The following PIEZO2 variants were observed in gnomAD, a reference collection of about 807,000 sequenced individuals.
PIEZO2 encodes the protein piezo-type mechanosensitive ion channel component 2.
In PIEZO2, 172 loss-of-function variants were observed where a neutral mutation model predicts 337.3. The ratio of observed to expected loss-of-function variants is 0.51; its 90% CI spans 0.45 to 0.58. PIEZO2 has a LOEUF of 0.58. Ranked by LOEUF, PIEZO2 falls within the 20% of genes least tolerant of loss-of-function variation. The pLI is 0.00. For missense variants in PIEZO2, 3,028 were observed against 3,391.3 expected, an observed-to-expected ratio of 0.89 and a Z score of 2.66; for synonymous variants, 1,251 against 1,228.5, an observed-to-expected ratio of 1.02 and a Z score of -0.38.
At chr18:11,122,886 GTATAA>G (rs998945089) in intron 1 of PIEZO2, among the ~76,000 whole-genome samples, 56 of 151,022 alleles carry the variant, frequency 3.7e-4, no homozygotes, top group African/African-American at 1.2e-3. Context: ...AAGGTTATAT[GTATAA>G]TATATCTTTA....
chr18:10,760,660 C>T (rs1483479402), intron 24 of PIEZO2, among the ~76,000 whole-genome samples: 1 of 152,198 alleles, frequency 6.6e-6, no homozygotes, highest in Non-Finnish European at 1.5e-5. Flanking sequence ...AACTGATGGC[C>T]ATGCATTTAG....
chr18:11,060,303 C>T (rs1166148828), intron 2 of PIEZO2, among the ~76,000 whole-genome samples: 1 of 152,052 alleles, frequency 6.6e-6, no homozygotes, highest in Non-Finnish European at 1.5e-5. Flanking sequence ...CAAGAGAAAG[C>T]AGGAAAGTTC....
rs534029463 is a variant in PIEZO2, at chr18:11,132,539, G to A, written c.64+15986C>T. On this transcript the variant is annotated intron_variant, in intron 1 of 55. Coordinates refer to ENST00000674853, the MANE Select transcript of PIEZO2 (RefSeq NM_001378183.1). The surrounding 1 kb of genome is among the most constrained non-coding windows in gnomAD (Gnocchi z 4.7). ...TCTCATAGCCAGGATTCATATGTCC[G>A]GGAATCAGAAGGTAGAAGTAGAAGT... Among the ~76,000 whole-genome samples the A allele has an allele frequency of 1.4e-4, 22 of 152,096 alleles. No homozygotes were observed. The highest frequency in any genetic ancestry group is 2.6e-4 in the Non-Finnish European group (18 of 68,026).
rs2038137482 is a variant in PIEZO2 at position 11,066,041 on chromosome 18, CATTAGAT to C, written c.160+79_160+85del. 6.6e-6 allele frequency: 7 copies of C among 1,062,668 alleles called. No homozygotes were observed. In the Admixed American group the frequency reaches 1.6e-4, roughly 24 times the overall value. The allele number at this position is 1,062,668 out of a possible 1,614,324, so 65.8% of individuals were successfully genotyped here. ...CCTGCTGCATAGATAACATCTCTGC[CATTAGAT>C]AAAGGCCATCCCAAGGAGCCCAGCA... is the stretch of plus-strand genomic sequence containing the variant. On this transcript the variant is annotated intron_variant, in intron 2 of 55. Coordinates refer to ENST00000674853, the MANE Select transcript of PIEZO2 (RefSeq NM_001378183.1).
At position 10,770,071 on chromosome 18, in the gene PIEZO2, C is replaced by T. The variant is rs975920346; in HGVS notation, c.2946+77G>A. 1.9e-5 allele frequency: 27 copies of T among 1,438,444 alleles called. No individual in the cohort carries two copies. In the South Asian group the frequency reaches 3.2e-4, roughly 17 times the overall value. 89.1% of individuals were successfully genotyped at this position (1,438,444 alleles called of 1,614,324 possible). A position where few individuals can be genotyped will look rare whatever the true frequency, so the allele number is the denominator to read the frequency against. ...GTAATGCGGATCACATTAAAAAAATCATGGACAGCTGGAAAAGGAAAATGA... is the reference window on the plus strand; with the variant it reads ...GTAATGCGGATCACATTAAAAAAATTATGGACAGCTGGAAAAGGAAAATGA... On this transcript the variant is annotated intron_variant, in intron 21 of 55. Coordinates refer to ENST00000674853, the MANE Select transcript of PIEZO2 (RefSeq NM_001378183.1).
Position 10,773,365 on chromosome 18 carries a change from C to A in PIEZO2, c.2785+47G>T. On this transcript the variant is annotated intron_variant, in intron 20 of 55. Coordinates refer to ENST00000674853, the MANE Select transcript of PIEZO2 (RefSeq NM_001378183.1). The surrounding 1 kb of genome is among the most constrained non-coding windows in gnomAD (Gnocchi z 5.3). ...CAAGTCAATGTTTCCTTCACTCAGT[C>A]TGACAGCCAGCGTTCTCTGACCAGC... The A allele has an allele frequency of 6.6e-7, 1 of 1,508,742 alleles. No homozygotes were observed. Among genetic ancestry groups the A allele is most frequent in the Non-Finnish European group, 8.9e-7 (1 of 1,121,200 alleles). 93.5% of individuals were successfully genotyped at this position (1,508,742 alleles called of 1,614,324 possible).
At chr18:10,994,303 T>A (rs889697406) in intron 2 of PIEZO2, among the ~76,000 whole-genome samples, 1 of 152,180 alleles carries the variant, frequency 6.6e-6, no homozygotes, top group African/African-American at 2.4e-5. Context: ...AACATGCATA[T>A]GCAAGTATCT....
chr18:10,709,157 C>G (rs967973436), intron 39 of PIEZO2: 18 of 152,174 alleles, frequency 1.2e-4, no homozygotes, highest in Non-Finnish European at 4.4e-5. Flanking sequence ...TTCATTTTGC[C>G]TAATTTTTCT....
chr18:10,763,149 C>A, intron 21 of PIEZO2, 51 bp from the exon 22 acceptor site: 1 of 1,497,760 alleles, frequency 6.7e-7, no homozygotes, highest in Non-Finnish European at 9.0e-7. Context: ...CACGGCATAA[C>A]AAACAGGACA....
intron 1 of PIEZO2, among the ~76,000 whole-genome samples, chr18:11,115,071 C>G (rs937528493): frequency 1.3e-5 from 2 of 152,158 alleles, no homozygotes; most frequent in African/African-American, 4.8e-5. Context: ...CCAGGTTGCT[C>G]TATTGTCTTC....
At chr18:10,758,507 G>A (rs1425924460) in intron 26 of PIEZO2, among the ~76,000 whole-genome samples, 7 of 152,036 alleles carry the variant, frequency 4.6e-5, no homozygotes, top group African/African-American at 1.7e-4. Context: ...GTGCAGTGGT[G>A]CGATCTTGGC....
chr18:10,706,183 T>A (rs2035578082), intron 40 of PIEZO2, among the ~76,000 whole-genome samples: 2 of 152,118 alleles, frequency 1.3e-5, no homozygotes, highest in African/African-American at 4.8e-5. Context: ...AAATAGGTAT[T>A]CTACCCTCCA....
chr18:11,148,687 G>T lies in PIEZO2; in HGVS notation c.-99C>A. 1 of 1,316,772 alleles carries T rather than the reference G, an allele frequency of 7.6e-7. No homozygotes were observed. The highest frequency in any genetic ancestry group is 1.0e-6 in the Non-Finnish European group (1 of 956,542). 81.6% of individuals were successfully genotyped at this position (1,316,772 alleles called of 1,614,324 possible). On this transcript the variant is annotated 5_prime_UTR_variant, in exon 1 of 56. Transcript: ENST00000674853. This position sits in a 1 kb window ranked among gnomAD's most constrained non-coding sequence, Gnocchi z 5.2. ...TGCCCGTCTATGGCCTCTCGCCGCC[G>T]GCAGCTCGCAGCCACCCGAGCATCG...
chr18:10,919,723 C>G (rs1245251663), intron 3 of PIEZO2, among the ~76,000 whole-genome samples: 1 of 152,114 alleles, frequency 6.6e-6, no homozygotes, highest in African/African-American at 2.4e-5. Context: ...ACTCCATCAT[C>G]AAATAATGAA....
At position 11,021,556 on chromosome 18, in the gene PIEZO2, T is replaced by G. The variant is rs947528686; in HGVS notation, c.161-41896A>C. 6.6e-6 allele frequency among the ~76,000 whole-genome samples: 1 copy of G among 152,172 alleles called. No homozygotes were observed. The highest frequency in any genetic ancestry group is 1.5e-5 in the Non-Finnish European group (1 of 68,040). On this transcript the variant is annotated intron_variant, in intron 2 of 55. Coordinates refer to ENST00000674853, the MANE Select transcript of PIEZO2 (RefSeq NM_001378183.1). This position sits in a 1 kb window ranked among gnomAD's most constrained non-coding sequence, Gnocchi z 4.7. Reference sequence around the variant, plus strand: ...CCGCCAATGGCGTTTAGTCTCCTTGTGAATTCGTGAGGAGGAACACAGTCA... The same window carrying G: ...CCGCCAATGGCGTTTAGTCTCCTTGGGAATTCGTGAGGAGGAACACAGTCA...
rs1485144194 is a variant in PIEZO2 at position 10,813,439 on chromosome 18, AT to A, written c.918-6166del. Among the ~76,000 whole-genome samples the A allele has an allele frequency of 1.3e-5, 2 of 152,126 alleles. No homozygotes were observed. The highest frequency in any genetic ancestry group is 2.4e-5 in the African/African-American group (1 of 41,412). ...CTCCTCCCAGGCCCTGGAAACCACCATTGTACTTTCTAAATCTGTGAATTTG... is the reference window on the plus strand; with the variant it reads ...CTCCTCCCAGGCCCTGGAAACCACCATGTACTTTCTAAATCTGTGAATTTG... On this transcript the variant is annotated intron_variant, in intron 7 of 55. Transcript: ENST00000674853. This position sits in a 1 kb window ranked among gnomAD's most constrained non-coding sequence, Gnocchi z 4.2.
intron 20 of PIEZO2, among the ~76,000 whole-genome samples, chr18:10,770,904 T>A (rs916169620): frequency 6.6e-6 from 1 of 152,088 alleles, no homozygotes; most frequent in African/African-American, 2.4e-5. Context: ...CTAATTTTTG[T>A]ATTTTCAGTA....
At position 11,028,665 on chromosome 18, in the gene PIEZO2, C is replaced by A. The variant is rs1328351273; in HGVS notation, c.160+37462G>T. Reference sequence around the variant, plus strand: ...TGGAGTTGAGGACAGTAAAACTGTGCAGTATTAGGGATATATGTTTCCTTA... The same window carrying A: ...TGGAGTTGAGGACAGTAAAACTGTGAAGTATTAGGGATATATGTTTCCTTA... On this transcript the variant is annotated intron_variant, in intron 2 of 55. Coordinates refer to ENST00000674853, the MANE Select transcript of PIEZO2 (RefSeq NM_001378183.1). This position sits in a 1 kb window ranked among gnomAD's most constrained non-coding sequence, Gnocchi z 4.8. 6.6e-6 allele frequency among the ~76,000 whole-genome samples: 1 copy of A among 152,096 alleles called. No individual in the cohort carries two copies. Among genetic ancestry groups the A allele is most frequent in the East Asian group, 1.9e-4 (1 of 5,186 alleles).
Position 11,146,574 on chromosome 18 carries a change from A to G in PIEZO2, c.64+1951T>C, listed in dbSNP as rs1197685106. On this transcript the variant is annotated intron_variant, in intron 1 of 55. Transcript: ENST00000674853. The surrounding 1 kb of genome is among the most constrained non-coding windows in gnomAD (Gnocchi z 6.1). ...CAGCCCTACTGAAGGAGTTTTTAGCATAGGCCACCAACCTTTAGTAGGACT... is the reference window on the plus strand; with the variant it reads ...CAGCCCTACTGAAGGAGTTTTTAGCGTAGGCCACCAACCTTTAGTAGGACT... Among the ~76,000 whole-genome samples the G allele has an allele frequency of 6.6e-6, 1 of 152,212 alleles. No homozygotes were observed. The highest frequency in any genetic ancestry group is 1.5e-5 in the Non-Finnish European group (1 of 68,044).
Sources: gnomAD v4.1 joint callset for allele counts (sites outside exome capture counted in the v4.1 genomes callset) on GRCh38, gnomAD v4.1.1 for gene constraint, Gnocchi (gnomAD v3.1) non-coding constraint, MANE v1.5 for transcripts, NCBI Gene and HGNC (gene_info 2026-07-23, HGNC 2026-07-21) for gene names.